GRIK3: variants seen among roughly 807,000 people sequenced by gnomAD.
GRIK3 encodes glutamate ionotropic receptor kainate type subunit 3.
GRIK3 carries 29 observed loss-of-function variants against 102.5 expected under a neutral mutation model. That is an observed-to-expected ratio of 0.28 (90% CI 0.21 to 0.39). The LOEUF is 0.39. Among genes scored for constraint, GRIK3 ranks in the 10% least tolerant of loss-of-function variants. The pLI, the probability that GRIK3 is intolerant of heterozygous loss-of-function variation, is 1.00. For synonymous variants in GRIK3, 511 were observed against 504.9 expected (o/e 1.01, Z -0.16); for missense variants, 908 against 1,252.4 (o/e 0.73, Z 4.15).
At chr1:36,812,841 C>A (rs191804688) in intron 13 of GRIK3, among the ~76,000 whole-genome samples, 1 of 152,350 alleles carries the variant, frequency 6.6e-6, no homozygotes, top group East Asian at 1.9e-4. Flanking sequence ...ATCTGTCCTG[C>A]ACTCTGGACC....
intron 1 of GRIK3, among the ~76,000 whole-genome samples, chr1:36,931,805 C>T (rs768036561): frequency 2.6e-5 from 4 of 152,118 alleles, no homozygotes; most frequent in Admixed American, 6.5e-5. Flanking sequence ...TGGCATCTGG[C>T]GAGGAGTTCT....
At chr1:36,861,870 G>T (rs1315605157) in intron 5 of GRIK3, among the ~76,000 whole-genome samples, 2 of 152,074 alleles carry the variant, frequency 1.3e-5, no homozygotes, top group African/African-American at 4.8e-5. Flanking sequence ...GGAGGGAGGG[G>T]CTTCAGCAGA....
At chr1:37,012,863 A>C (rs1267803126) in intron 1 of GRIK3, among the ~76,000 whole-genome samples, 1 of 152,222 alleles carries the variant, frequency 6.6e-6, no homozygotes, top group Non-Finnish European at 1.5e-5. Context: ...TGGGAGGATC[A>C]AACAAGACAC....
intron 1 of GRIK3, among the ~76,000 whole-genome samples, chr1:37,019,012 AT>A (rs1642682212): frequency 6.6e-6 from 1 of 152,144 alleles, no homozygotes; most frequent in Non-Finnish European, 1.5e-5. Flanking sequence ...AAGAACAGCC[AT>A]GTCCAGGAAA....
intron 1 of GRIK3, among the ~76,000 whole-genome samples, chr1:36,981,113 TTAAG>T (rs1642244195): frequency 6.6e-6 from 1 of 152,196 alleles, no homozygotes; most frequent in Non-Finnish European, 1.5e-5. Context: ...CAGGGAAGTA[TTAAG>T]TGTCTCACAC....
chr1:36,986,530 G>C (rs1420500277), intron 1 of GRIK3, among the ~76,000 whole-genome samples: 1 of 151,890 alleles, frequency 6.6e-6, no homozygotes, highest in Admixed American at 6.6e-5. Context: ...CATGTTCCCT[G>C]AGCTCTGTCT....
At chr1:36,865,245 T>C (rs1464025845) in intron 5 of GRIK3, among the ~76,000 whole-genome samples, 1 of 152,210 alleles carries the variant, frequency 6.6e-6, no homozygotes, top group Non-Finnish European at 1.5e-5. Flanking sequence ...GGCTGATTAA[T>C]GCGAGGTTAT....
chr1:36,863,721 C>T (rs528467120), intron 5 of GRIK3, among the ~76,000 whole-genome samples: 38 of 152,272 alleles, frequency 2.5e-4, no homozygotes, highest in Middle Eastern at 3.4e-3. Context: ...CAACAGAGTG[C>T]GTCAGACGCG....
chr1:36,959,281 T>G lies in GRIK3; in HGVS notation c.116-68185A>C, dbSNP rs1250873174. ...GGTAAGTCTGTGCCCCGTGAGCCTG[T>G]GCCTGTGAGCCTGTGCCCTGTGAGC... On this transcript the variant is annotated intron_variant, in intron 1 of 15. Coordinates refer to ENST00000373091, the MANE Select transcript of GRIK3 (RefSeq NM_000831.4). Among the ~76,000 whole-genome samples the G allele has an allele frequency of 4.1e-5, 5 of 121,882 alleles. 1 individual carries two copies. Among genetic ancestry groups the G allele is most frequent in the African/African-American group, 5.8e-5 (2 of 34,384 alleles). 80.0% of individuals were successfully genotyped at this position (121,882 alleles called of 152,430 possible). A position where few individuals can be genotyped will look rare whatever the true frequency, so the allele number is the denominator to read the frequency against.
At chr1:36,848,785 GTT>G (rs745603404) in intron 9 of GRIK3, among the ~76,000 whole-genome samples, 1 of 140,546 alleles carries the variant, frequency 7.1e-6, no homozygotes. Context: ...TACATCACAG[GTT>G]TTTTTTTTTT....
intron 1 of GRIK3, among the ~76,000 whole-genome samples, chr1:37,030,189 CA>C (rs991514459): frequency 2.6e-5 from 4 of 152,208 alleles, no homozygotes; most frequent in Non-Finnish European, 4.4e-5. Flanking sequence ...TATTTACTTC[CA>C]GGGGGGAAAA....
At chr1:36,855,898 C>A (rs1181138946) in intron 7 of GRIK3, among the ~76,000 whole-genome samples, 2 of 152,346 alleles carry the variant, frequency 1.3e-5, no homozygotes, top group Non-Finnish European at 2.9e-5. Flanking sequence ...CCCCATTTTG[C>A]AGATGTGGAC....
intron 5 of GRIK3, 114 bp from the exon 6 acceptor site, chr1:36,860,131 C>T: frequency 1.4e-6 from 1 of 724,446 alleles, no homozygotes; most frequent in Non-Finnish European, 2.3e-6. Context: ...TCGCAGCTCC[C>T]TGCAAAGCCC....
chr1:36,812,892 T>C (rs934929978), intron 13 of GRIK3, among the ~76,000 whole-genome samples: 9 of 152,236 alleles, frequency 5.9e-5, no homozygotes, highest in Non-Finnish European at 1.3e-4. Context: ...TCCTCGATAT[T>C]ATCTCCTGCA....
chr1:36,844,057 G>C (rs1640492125), intron 9 of GRIK3, among the ~76,000 whole-genome samples: 2 of 152,366 alleles, frequency 1.3e-5, no homozygotes, highest in South Asian at 4.1e-4. Context: ...TCCCGCTGTG[G>C]CGGCAAGCTT....
chr1:36,978,630 C>T (rs1440682530), intron 1 of GRIK3, among the ~76,000 whole-genome samples: 2 of 152,162 alleles, frequency 1.3e-5, no homozygotes, highest in African/African-American at 4.8e-5. Flanking sequence ...GTTAGCTGGT[C>T]TAGGATGGCC....
chr1:36,954,873 G>A (rs1432445714), intron 1 of GRIK3, among the ~76,000 whole-genome samples: 2 of 152,250 alleles, frequency 1.3e-5, no homozygotes, highest in Admixed American at 1.3e-4. Flanking sequence ...GTGCCTGCAG[G>A]TGTGGACCCA....
At chr1:36,845,963 T>C (rs766205651) in intron 9 of GRIK3, among the ~76,000 whole-genome samples, 5 of 152,128 alleles carry the variant, frequency 3.3e-5, no homozygotes, top group Non-Finnish European at 7.4e-5. Context: ...TCACTGAGTA[T>C]CCAGATACCC....
At chr1:37,015,739 T>C (rs1344761156) in intron 1 of GRIK3, among the ~76,000 whole-genome samples, 1 of 152,164 alleles carries the variant, frequency 6.6e-6, no homozygotes, top group Non-Finnish European at 1.5e-5. Flanking sequence ...GTGGCAGCTT[T>C]GGAAAGCCTC....
Sources: gnomAD v4.1 joint callset for allele counts (sites outside exome capture counted in the v4.1 genomes callset) on GRCh38, gnomAD v4.1.1 for gene constraint, MANE v1.5 for transcripts, NCBI Gene and HGNC (gene_info 2026-07-23, HGNC 2026-07-21) for gene names.